GPC6: variants seen among roughly 807,000 people sequenced by gnomAD.
GPC6 encodes the protein glypican-6.
In GPC6, 14 loss-of-function variants were observed where a neutral mutation model predicts 55.2. The observed-to-expected ratio is 0.25, with a 90% CI of 0.17 to 0.40. The LOEUF is 0.40. GPC6 is among the 10% of genes least tolerant of loss of function. The pLI is 1.00. For missense variants in GPC6, 641 were observed against 708.5 expected (o/e 0.90, Z 1.08); for synonymous variants, 278 against 259.6 (o/e 1.07, Z -0.68).
intron 3 of GPC6, among the ~76,000 whole-genome samples, chr13:93,946,123 A>G (rs938116795): frequency 5.9e-5 from 9 of 152,152 alleles, no homozygotes. Context: ...ATCATGGCCA[A>G]TTTCTAGCTA....
intron 1 of GPC6, among the ~76,000 whole-genome samples, chr13:93,347,279 C>G (rs1325091279): frequency 1.3e-5 from 2 of 152,178 alleles, no homozygotes; most frequent in Non-Finnish European, 2.9e-5. Context: ...GCTAACATGA[C>G]TGGGTCAGAA....
At chr13:93,748,469 T>C (rs1232424332) in intron 2 of GPC6, among the ~76,000 whole-genome samples, 1 of 152,086 alleles carries the variant, frequency 6.6e-6, no homozygotes, top group African/African-American at 2.4e-5. Flanking sequence ...AGTTTATCAC[T>C]CAATTTTTAA....
chr13:93,683,172 G>A (rs971586852), intron 2 of GPC6, among the ~76,000 whole-genome samples: 1 of 151,912 alleles, frequency 6.6e-6, no homozygotes, highest in Non-Finnish European at 1.5e-5. Flanking sequence ...TTTCTTACTG[G>A]TAACTGAAAA....
At chr13:93,616,048 A>C (rs1878704170) in intron 2 of GPC6, among the ~76,000 whole-genome samples, 1 of 152,136 alleles carries the variant, frequency 6.6e-6, no homozygotes, top group African/African-American at 2.4e-5. Context: ...GTACGTATTT[A>C]AGAATACATA....
chr13:94,316,409 G>A (rs1322953487), intron 6 of GPC6, among the ~76,000 whole-genome samples: 1 of 152,208 alleles, frequency 6.6e-6, no homozygotes, highest in Non-Finnish European at 1.5e-5. Context: ...AGAAATAGGA[G>A]AAAAGTGGCA....
At chr13:93,689,817 A>G (rs1365378073) in intron 2 of GPC6, among the ~76,000 whole-genome samples, 1 of 152,156 alleles carries the variant, frequency 6.6e-6, no homozygotes, top group African/African-American at 2.4e-5. Context: ...TGGAAGCAGA[A>G]AGGATATTGA....
chr13:94,125,608 G>A (rs1886779102), intron 4 of GPC6, among the ~76,000 whole-genome samples: 1 of 152,020 alleles, frequency 6.6e-6, no homozygotes, highest in Admixed American at 6.6e-5. Flanking sequence ...GGAAATCCTG[G>A]GAGCAAACCA....
At chr13:93,425,607 G>A (rs959023030) in intron 1 of GPC6, among the ~76,000 whole-genome samples, 4 of 152,198 alleles carry the variant, frequency 2.6e-5, no homozygotes, top group South Asian at 2.1e-4. Flanking sequence ...AAGCCAAGTC[G>A]AAATAGTGTA....
At chr13:93,920,429 A>C (rs1471938977) in intron 3 of GPC6, among the ~76,000 whole-genome samples, 1 of 152,052 alleles carries the variant, frequency 6.6e-6, no homozygotes, top group African/African-American at 2.4e-5. Flanking sequence ...CTTTAGCTTC[A>C]TTCTAATATT....
intron 4 of GPC6, among the ~76,000 whole-genome samples, chr13:94,082,806 G>A (rs780975417): frequency 1.3e-5 from 2 of 152,096 alleles, no homozygotes; most frequent in South Asian, 2.1e-4. Context: ...ATCCTGCAAC[G>A]TTTCATCTGT....
intron 1 of GPC6, among the ~76,000 whole-genome samples, chr13:93,416,905 T>G (rs1876721653): frequency 6.6e-6 from 1 of 152,164 alleles, no homozygotes; most frequent in Non-Finnish European, 1.5e-5. Flanking sequence ...ATCCAAGTCT[T>G]CTGACTTCAA....
At chr13:93,271,209 G>A (rs1188419044) in intron 1 of GPC6, among the ~76,000 whole-genome samples, 4 of 152,136 alleles carry the variant, frequency 2.6e-5, no homozygotes, top group African/African-American at 9.7e-5. Context: ...TAGGGCTAGG[G>A]AAAGAAAGTT....
At chr13:93,667,634 C>T (rs1308360906) in intron 2 of GPC6, among the ~76,000 whole-genome samples, 8 of 151,672 alleles carry the variant, frequency 5.3e-5, no homozygotes, top group Non-Finnish European at 1.0e-4. Context: ...GATTTCGCCA[C>T]GTTAGCCAGG....
At chr13:94,008,143 C>T (rs1167302689) in intron 3 of GPC6, among the ~76,000 whole-genome samples, 1 of 152,146 alleles carries the variant, frequency 6.6e-6, no homozygotes, top group East Asian at 1.9e-4. Flanking sequence ...ATTTTCACAT[C>T]TCTCACACAT....
At chr13:94,151,684 C>T (rs1361663913) in intron 4 of GPC6, among the ~76,000 whole-genome samples, 1 of 152,028 alleles carries the variant, frequency 6.6e-6, no homozygotes, top group Non-Finnish European at 1.5e-5. Context: ...TTATCCGAGG[C>T]AATGGTGCAC....
At chr13:93,839,983 G>C (rs951637055) in intron 3 of GPC6, among the ~76,000 whole-genome samples, 2 of 152,100 alleles carry the variant, frequency 1.3e-5, no homozygotes, top group South Asian at 2.1e-4. Context: ...TGGCTTCATA[G>C]AATGAATTAG....
At chr13:94,153,613 A>G (rs1276793734) in intron 4 of GPC6, among the ~76,000 whole-genome samples, 1 of 152,224 alleles carries the variant, frequency 6.6e-6, no homozygotes, top group East Asian at 1.9e-4. Context: ...AATGTCATGT[A>G]GGAGAAAAAC....
At position 93,322,070 on chromosome 13, in the gene GPC6, T is replaced by A. The variant is rs12853267; in HGVS notation, c.160+94454T>A. On this transcript the variant is annotated intron_variant, in intron 1 of 8. Coordinates refer to ENST00000377047, the MANE Select transcript of GPC6 (RefSeq NM_005708.5). ...TTATACAATTGTATAAAAAGACACA[T>A]AAAATACATGCCCCAAATTGTTATT... 2.0e-5 allele frequency among the ~76,000 whole-genome samples: 3 copies of A among 152,182 alleles called. No individual in the cohort carries two copies. The East Asian group carries it at 5.8e-4, about 29-fold the overall frequency.
intron 1 of GPC6, among the ~76,000 whole-genome samples, chr13:93,230,636 G>A (rs1594041019): frequency 6.6e-6 from 1 of 152,030 alleles, no homozygotes; most frequent in Middle Eastern, 3.4e-3. Context: ...ATTTTTTCTT[G>A]TTCTATCCTC....
Sources: gnomAD v4.1 joint callset for allele counts (sites outside exome capture counted in the v4.1 genomes callset) on GRCh38, gnomAD v4.1.1 for gene constraint, MANE v1.5 for transcripts, NCBI Gene and HGNC (gene_info 2026-07-23, HGNC 2026-07-21) for gene names.